Variants in TNNI3K observed in about 807,000 individuals in gnomAD.
TNNI3K encodes the protein TNNI3 interacting kinase.
TNNI3K carries 140 observed loss-of-function variants against 114.5 expected under a neutral mutation model. That is an observed-to-expected ratio of 1.22 (90% CI 1.07 to 1.41). The LOEUF (loss-of-function observed/expected upper bound fraction) is 1.41. TNNI3K is among the 40% of genes most tolerant of loss of function. TNNI3K has a pLI of 0.00. For missense variants in TNNI3K, 1,125 were observed against 1,007.6 expected (o/e 1.12, Z -1.58); for synonymous variants, 347 against 347.5 (o/e 1.00, Z 0.02).
chr1:74,249,352 A>G, intron 2 of TNNI3K, 107 bp from the exon 3 acceptor site: 1 of 1,144,812 alleles, frequency 8.7e-7, no homozygotes, highest in South Asian at 1.7e-5. Context: ...CTTAGAAAAA[A>G]TACATTTCTG....
chr1:74,516,607 C>T (rs11210475), intron 23 of TNNI3K, among the ~76,000 whole-genome samples: 7,429 of 152,110 alleles, frequency 0.049, 308 homozygotes, highest in African/African-American at 0.11. Flanking sequence ...AGACCTGGAC[C>T]GTGGGACCTT....
chr1:74,302,250 T>G (rs1024574968), intron 5 of TNNI3K, among the ~76,000 whole-genome samples: 2 of 152,362 alleles, frequency 1.3e-5, no homozygotes, highest in African/African-American at 4.8e-5. Context: ...ACAAATTTTA[T>G]GTATTCAGAC....
rs185857243 is a variant in TNNI3K, at chr1:74,507,102, C to T, written c.2351+14836C>T. On this transcript the variant is annotated intron_variant, in intron 23 of 24. Coordinates refer to ENST00000326637, the MANE Select transcript of TNNI3K (RefSeq NM_015978.3). ...TACAAATATTACATAGTGTGCTGAT[C>T]GCAAGATCCCTGTATTATTCATTAC... 3.4e-3 allele frequency among the ~76,000 whole-genome samples: 518 copies of T among 152,114 alleles called. 6 individuals are homozygous for T. Among genetic ancestry groups the T allele is most frequent in the Middle Eastern group, 0.014 (4 of 294 alleles).
chr1:74,253,640 G>A (rs568076886), intron 4 of TNNI3K, among the ~76,000 whole-genome samples: 6 of 152,082 alleles, frequency 3.9e-5, no homozygotes, highest in Admixed American at 1.3e-4. Context: ...CTCGGAGTGC[G>A]GGCCCGCCAA....
chr1:74,332,369 C>T (rs45446096), intron 6 of TNNI3K, among the ~76,000 whole-genome samples: 2,409 of 151,268 alleles, frequency 0.016, 67 homozygotes, highest in African/African-American at 0.056. Flanking sequence ...GGCTCGATCT[C>T]GGCTCACTGC....
At chr1:74,266,629 TAG>T (rs1339967650) in intron 4 of TNNI3K, among the ~76,000 whole-genome samples, 3 of 151,996 alleles carry the variant, frequency 2.0e-5, no homozygotes, top group African/African-American at 7.2e-5. Context: ...TATACTGAAA[TAG>T]AGTTGAAATT....
chr1:74,397,495 G>T (rs942538841), intron 17 of TNNI3K, among the ~76,000 whole-genome samples: 13 of 152,258 alleles, frequency 8.5e-5, no homozygotes, highest in Admixed American at 8.5e-4. Flanking sequence ...AAATCAAAGA[G>T]CTGGAAGATG....
chr1:74,501,256 T>C (rs1669610015), intron 23 of TNNI3K, among the ~76,000 whole-genome samples: 1 of 152,216 alleles, frequency 6.6e-6, no homozygotes, highest in African/African-American at 2.4e-5. Context: ...TTTAATGTGT[T>C]GTTTACTTTG....
At chr1:74,261,108 T>A (rs1340251740) in intron 4 of TNNI3K, among the ~76,000 whole-genome samples, 1 of 152,088 alleles carries the variant, frequency 6.6e-6, no homozygotes, top group Non-Finnish European at 1.5e-5. Flanking sequence ...CTTACCTTAG[T>A]AATATATATG....
intron 17 of TNNI3K, among the ~76,000 whole-genome samples, chr1:74,421,160 T>C (rs1665375861): frequency 6.6e-6 from 1 of 152,146 alleles, no homozygotes; most frequent in African/African-American, 2.4e-5. Context: ...GTTTAAAGGC[T>C]CTTCCTGATA....
intron 5 of TNNI3K, among the ~76,000 whole-genome samples, chr1:74,304,280 T>C (rs1658494799): frequency 6.6e-6 from 1 of 152,172 alleles, no homozygotes; most frequent in Non-Finnish European, 1.5e-5. Flanking sequence ...CTTAACATTG[T>C]CTTATTTTAA....
chr1:74,511,115 T>G (rs1305808668), intron 23 of TNNI3K, among the ~76,000 whole-genome samples: 3 of 152,084 alleles, frequency 2.0e-5, no homozygotes, highest in African/African-American at 7.2e-5. Context: ...CTGGAACTCC[T>G]GGTGATCACC....
chr1:74,498,559 T>C (rs1338206372), intron 23 of TNNI3K, among the ~76,000 whole-genome samples: 1 of 152,204 alleles, frequency 6.6e-6, no homozygotes, highest in East Asian at 1.9e-4. Flanking sequence ...TATAATAAAC[T>C]AGGAAAATTA....
At chr1:74,358,358 C>A (rs1015916684) in intron 11 of TNNI3K, among the ~76,000 whole-genome samples, 1 of 152,034 alleles carries the variant, frequency 6.6e-6, no homozygotes, top group South Asian at 2.1e-4. Flanking sequence ...ATCAAGGCTC[C>A]TGTACCATGA....
intron 21 of TNNI3K, chr1:74,475,236 G>A (rs776793318): frequency 5.6e-5 from 34 of 611,170 alleles, no homozygotes; most frequent in Non-Finnish European, 9.2e-5. Context: ...AAGGAGGGAG[G>A]CTCCCTCCTT....
intron 11 of TNNI3K, 29 bp downstream of exon 11, chr1:74,354,158 G>A: frequency 6.2e-7 from 1 of 1,613,302 alleles, no homozygotes. Flanking sequence ...TGTCTCTATA[G>A]TGATACATTG....
rs746146240 is a variant in TNNI3K, at chr1:74,492,139, CCTT to C, written c.2236_2238del (p.Ser746del). Reference sequence around the variant, plus strand: ...AAGTAACAGCAGTGGGTCTCTCTCACCTTCTTCTTCTTCTGATTGCCTGGTGAA... The same window carrying C: ...AAGTAACAGCAGTGGGTCTCTCTCACCTTCTTCTTCTGATTGCCTGGTGAA... On this transcript the variant is annotated inframe_deletion, in exon 23 of 25. Transcript: ENST00000326637. 300 of 1,609,746 alleles carry C rather than the reference CCTT, an allele frequency of 1.9e-4. No individual in the cohort carries two copies. The highest frequency in any genetic ancestry group is 9.8e-4 in the East Asian group (44 of 44,814).
At chr1:74,316,821 C>T (rs1331194704) in intron 5 of TNNI3K, among the ~76,000 whole-genome samples, 1 of 151,570 alleles carries the variant, frequency 6.6e-6, no homozygotes, top group Admixed American at 6.6e-5. Context: ...TTCTGAGTAG[C>T]TGGGACTACA....
chr1:74,540,387 A>AG (rs1646712489), intron 24 of TNNI3K, 74 bp downstream of exon 24: 2 of 1,420,854 alleles, frequency 1.4e-6, no homozygotes, highest in Admixed American at 2.0e-5. Context: ...ACAAAAAGGG[A>AG]GAAAGCATTG....
Sources: allele counts gnomAD v4.1 joint callset (sites outside exome capture counted in the v4.1 genomes callset), GRCh38; gene constraint gnomAD v4.1.1; transcripts MANE v1.5; gene names NCBI Gene and HGNC (gene_info 2026-07-23, HGNC 2026-07-21).